RGMA: variants seen among roughly 807,000 people sequenced by gnomAD.
RGMA encodes repulsive guidance molecule BMP co-receptor a, also known as repulsive guidance molecule A.
RGMA carries 10 observed loss-of-function variants against 23.2 expected under a neutral mutation model. The ratio of observed to expected loss-of-function variants is 0.43; its 90% confidence interval spans 0.27 to 0.73. RGMA has a LOEUF of 0.73. Among genes scored for constraint, RGMA ranks in the 30% least tolerant of loss-of-function variants. The probability of loss-of-function intolerance (pLI) is 0.20; values close to 1 mark genes in which losing one functional copy is unlikely to be tolerated. For missense variants in RGMA, 547 were observed against 630.5 expected, an observed-to-expected ratio of 0.87 and a Z score of 1.42; for synonymous variants, 308 against 279.3, an observed-to-expected ratio of 1.10 and a Z score of -1.03.
At chr15:93,054,229 C>CAAAA (rs34699802) in intron 2 of RGMA, among the ~76,000 whole-genome samples, 5 of 110,932 alleles carry the variant, frequency 4.5e-5, no homozygotes, top group East Asian at 7.0e-4. Flanking sequence ...GACTCCATCT[C>CAAAA]AAAAAAAAAA....
intron 2 of RGMA, chr15:93,066,609 G>A (rs536648315): frequency 3.5e-5 from 16 of 453,148 alleles, no homozygotes; most frequent in Admixed American, 2.0e-4. Flanking sequence ...CATCGTCGCC[G>A]TGGGGACTGC....
At chr15:93,052,585 G>A in intron 2 of RGMA, 78 bp from the exon 3 acceptor site, 1 of 1,419,350 alleles carries the variant, frequency 7.0e-7, no homozygotes, top group Non-Finnish European at 9.4e-7. Context: ...TGGGCCAGGG[G>A]AGCAGCCACA....
intron 2 of RGMA, among the ~76,000 whole-genome samples, chr15:93,067,849 G>C (rs2141834568): frequency 6.6e-6 from 1 of 152,244 alleles, no homozygotes; most frequent in South Asian, 2.1e-4. Flanking sequence ...GATTCATTTG[G>C]CACCATGGCG....
In RGMA at chr15:93,052,524, G is replaced by A. The variant is rs761873118; in HGVS notation, c.131-17C>T. 15 of 1,551,118 alleles carry A rather than the reference G, an allele frequency of 9.7e-6. No individual in the cohort carries two copies. The South Asian group carries it at 1.1e-4, about 11-fold the overall frequency. On this transcript the variant is annotated splice_polypyrimidine_tract_variant and intron_variant, in intron 2 of 3. Coordinates refer to ENST00000329082, the MANE Select transcript of RGMA (RefSeq NM_020211.3). ...GGGAGGTGGCTGAGGAGAAAGGAAC[G>A]AACACACCGTCGGGGTGCAGCCTGG...
Position 93,052,399 on chromosome 15 carries a change from C to T in RGMA, c.239G>A (p.Arg80His), listed in dbSNP as rs773083920. 61 of 1,599,302 alleles carry T rather than the reference C, an allele frequency of 3.8e-5. No individual in the cohort carries two copies. Among genetic ancestry groups the T allele is most frequent in the African/African-American group, 5.3e-5 (4 of 74,902 alleles). ...DDTPEFCAALRSYALCTRRTA... is the reference protein window; with the variant it reads ...DDTPEFCAALHSYALCTRRTA... ...CCGCCGCGTGCACAGGGCGTAGCTG[C>T]GCAAGGCTGCACAGAACTCGGGGGT... The change falls in exon 3 of 4, where the codon CGC becomes CAC. Residue 80 changes from arginine (R) to histidine (H), a missense_variant. Arg to His is a conservative substitution (Grantham distance 29). Around this residue, in one of 3 missense-constraint regions of RGMA, gnomAD observed 214 missense variants for 234.7 expected, o/e 0.91. Transcript: ENST00000329082.
intron 1 of RGMA, chr15:93,073,993 T>G (rs1347415184): frequency 1.4e-6 from 2 of 1,409,110 alleles, no homozygotes; most frequent in African/African-American, 2.9e-5. Flanking sequence ...TATGGTGACC[T>G]TTCCTAACTC....
chr15:93,048,000 G>C (rs772399096), intron 3 of RGMA, among the ~76,000 whole-genome samples: 2 of 152,208 alleles, frequency 1.3e-5, no homozygotes, highest in Non-Finnish European at 2.9e-5. Flanking sequence ...TGTTCTCTGG[G>C]GCCCGGAGGC....
chr15:93,053,781 CA>C (rs2141813645), intron 2 of RGMA, among the ~76,000 whole-genome samples: 1 of 152,328 alleles, frequency 6.6e-6, no homozygotes, highest in Non-Finnish European at 1.5e-5. Context: ...CAGACTTGAG[CA>C]CGGGCGAGTC....
At chr15:93,073,956 G>T in intron 1 of RGMA, 1 of 1,425,274 alleles carries the variant, frequency 7.0e-7, no homozygotes, top group Non-Finnish European at 9.1e-7. Context: ...TGCGAGGCCC[G>T]CAAGGCTGCA....
chr15:93,058,406 A>G (rs763403585), intron 2 of RGMA, among the ~76,000 whole-genome samples: 4 of 152,230 alleles, frequency 2.6e-5, no homozygotes, highest in Non-Finnish European at 4.4e-5. Context: ...GGGGTGTTAA[A>G]GGGACTGCAG....
At position 93,052,023 on chromosome 15, in the gene RGMA, C is replaced by T. The variant is rs749986343; in HGVS notation, c.615G>A (p.Leu205=). The change falls in exon 3 of 4, where the codon CTG becomes CTA. Residue 205 remains leucine, a synonymous_variant. Transcript: ENST00000329082. ...TGGTGGCAGTGGCCGCTGAGCCGGG[C>T]AGCACAGGCGTGTTGGTGACCTGCA... The part of the protein sequence containing the change: ...LNVQVTNTPV[L]PGSAATATSK... The T allele has an allele frequency of 2.5e-6, 4 of 1,609,182 alleles. No homozygotes were observed. Among genetic ancestry groups the T allele is most frequent in the Non-Finnish European group, 3.4e-6 (4 of 1,178,360 alleles).
At chr15:93,068,784 G>A (rs184122312) in intron 2 of RGMA, among the ~76,000 whole-genome samples, 3 of 152,318 alleles carry the variant, frequency 2.0e-5, no homozygotes, top group Admixed American at 1.3e-4. Flanking sequence ...GATCTGGGAA[G>A]TGATTAGGTC....
intron 3 of RGMA, among the ~76,000 whole-genome samples, chr15:93,049,457 A>G (rs1301087686): frequency 6.6e-6 from 1 of 152,242 alleles, no homozygotes; most frequent in Non-Finnish European, 1.5e-5. Context: ...GGGTATCAGC[A>G]GCACAGATGG....
In RGMA at chr15:93,037,387, G is replaced by A. The variant is rs2054672708; in HGVS notation, c.*7611C>T. The A allele has an allele frequency of 6.6e-6, 1 of 152,280 alleles. No homozygotes were observed. The highest frequency in any genetic ancestry group is 1.5e-5 in the Non-Finnish European group (1 of 68,104). 9.4% of individuals were successfully genotyped at this position (152,280 alleles called of 1,614,324 possible). On this transcript the variant is annotated 3_prime_UTR_variant, in exon 4 of 4. Transcript: ENST00000329082. This position sits in a 1 kb window ranked among gnomAD's most constrained non-coding sequence, Gnocchi z 4.3. ...CCACTGTCCATCCCTGGCCATCCAGGCCCGTGAAACACAAGGTCCCTCCCC... is the reference window on the plus strand; with the variant it reads ...CCACTGTCCATCCCTGGCCATCCAGACCCGTGAAACACAAGGTCCCTCCCC...
chr15:93,053,601 A>G (rs1302884168), intron 2 of RGMA, among the ~76,000 whole-genome samples: 1 of 152,236 alleles, frequency 6.6e-6, no homozygotes, highest in Non-Finnish European at 1.5e-5. Flanking sequence ...CATAAAACCA[A>G]GAACAGACAC....
intron 2 of RGMA, among the ~76,000 whole-genome samples, chr15:93,055,707 G>A (rs936785906): frequency 2.0e-5 from 3 of 152,182 alleles, no homozygotes; most frequent in East Asian, 1.9e-4. Flanking sequence ...ATCCACACAC[G>A]CTTTCTCCCT....
rs1596078353 is a variant in RGMA at position 93,045,806 on chromosome 15, C to T, written c.646-101G>A. 1 of 843,622 alleles carries T rather than the reference C, an allele frequency of 1.2e-6. No homozygotes were observed. Among genetic ancestry groups the T allele is most frequent in the Middle Eastern group, 2.7e-4 (1 of 3,660 alleles). The allele number at this position is 843,622 out of a possible 1,614,324, so 52.3% of individuals were successfully genotyped here. A position where few individuals can be genotyped will look rare whatever the true frequency, so the allele number is the denominator to read the frequency against. ...AGACTGAGAGGAGGGCAGGAAGGAT[C>T]CCCAGGGATGCCCCAGACACTCCCT... On this transcript the variant is annotated intron_variant, in intron 3 of 3. Transcript: ENST00000329082. The surrounding 1 kb of genome is among the most constrained non-coding windows in gnomAD (Gnocchi z 6.9).
At chr15:93,080,897 C>A (rs1217023467) in intron 1 of RGMA, among the ~76,000 whole-genome samples, 2 of 152,000 alleles carry the variant, frequency 1.3e-5, no homozygotes, top group Admixed American at 6.6e-5. Flanking sequence ...ATGAAAGTCT[C>A]CCCCCGACCA....
At position 93,035,805 on chromosome 15, in the gene RGMA, G is replaced by C. The variant is rs2054654531; in HGVS notation, c.*9193C>G. On this transcript the variant is annotated 3_prime_UTR_variant, in exon 4 of 4. Coordinates refer to ENST00000329082, the MANE Select transcript of RGMA (RefSeq NM_020211.3). ...TGGCTTTCCCTGCGGTCTCCCAAGG[G>C]GCTTTGCGCCAGTATGAGCTTATGT... 6 of 152,214 alleles carry C rather than the reference G, an allele frequency of 3.9e-5. No individual in the cohort carries two copies. The South Asian group carries it at 1.2e-3, about 32-fold the overall frequency. 9.4% of individuals were successfully genotyped at this position (152,214 alleles called of 1,614,324 possible). A position where few individuals can be genotyped will look rare whatever the true frequency, so the allele number is the denominator to read the frequency against.
Sources: gnomAD v4.1 joint callset for allele counts (sites outside exome capture counted in the v4.1 genomes callset) on GRCh38, gnomAD v4.1.1 for gene constraint, gnomAD v4.1.1 regional missense constraint, Gnocchi (gnomAD v3.1) non-coding constraint, MANE v1.5 for transcripts, NCBI Gene and HGNC (gene_info 2026-07-23, HGNC 2026-07-21) for gene names.